Variants in CRB1 observed in about 807,000 individuals in gnomAD.
The protein encoded by CRB1 is protein crumbs homolog 1.
CRB1 carries 83 observed loss-of-function variants against 120.0 expected under a neutral mutation model. That is an observed-to-expected ratio of 0.69 (90% CI 0.58 to 0.83). CRB1 has a LOEUF of 0.83. Among genes scored for constraint, CRB1 ranks in the 40% least tolerant of loss-of-function variants. CRB1 has a pLI of 0.00. For synonymous variants in CRB1, 625 were observed against 612.5 expected (o/e 1.02, Z -0.30); for missense variants, 1,699 against 1,687.6 (o/e 1.01, Z -0.12).
At chr1:197,301,633 T>C (rs1268466138) in intron 1 of CRB1, among the ~76,000 whole-genome samples, 3 of 152,114 alleles carry the variant, frequency 2.0e-5, no homozygotes, top group African/African-American at 7.2e-5. Context: ...GTAGGTAGCA[T>C]GGTAGTCTCA....
chr1:197,304,294 T>C (rs1657043799), intron 1 of CRB1: 1 of 456,928 alleles, frequency 2.2e-6, no homozygotes, highest in African/African-American at 2.1e-5. Context: ...CAATTAGATA[T>C]TTGATTTTCT....
chr1:197,232,850 T>G, the CRB1 span, among the ~76,000 whole-genome samples: 1 of 152,086 alleles, frequency 6.6e-6, no homozygotes, highest in African/African-American at 2.4e-5. Context: ...TGAGTTGATA[T>G]TGTTACTCAG....
rs1571877958 is a variant in CRB1 at position 197,347,361 on chromosome 1, T to A, written c.870T>A (p.Gly290=). 1 of 1,613,878 alleles carries A rather than the reference T, an allele frequency of 6.2e-7. No individual in the cohort carries two copies. Among genetic ancestry groups the A allele is most frequent in the Non-Finnish European group, 8.5e-7 (1 of 1,179,856 alleles). The change falls in exon 4 of 12, where the codon GGT becomes GGA. Residue 290 remains glycine (G), a synonymous_variant. Transcript: ENST00000367400. ...CCAGATATAGCTGTAACTGCACGGG[T>A]AGTGGATTCACAGGGACACACTGTG... The part of the protein sequence containing the change: ...GENRYSCNCT[G]SGFTGTHCET...
At chr1:197,441,626 T>TCTC (rs1430141327) in intron 10 of CRB1, 1 of 144,928 alleles carries the variant, frequency 6.9e-6, no homozygotes, top group Non-Finnish European at 1.5e-5. Context: ...AGAATAAACC[T>TCTC]CTCCTCTTCC....
At chr1:197,334,369 A>C (rs1659027081) in intron 2 of CRB1, among the ~76,000 whole-genome samples, 1 of 152,216 alleles carries the variant, frequency 6.6e-6, no homozygotes, top group Admixed American at 6.5e-5. Flanking sequence ...TCCAATACTC[A>C]TGTGTTGGAG....
chr1:197,284,769 T>C (rs1407038415), intron 1 of CRB1, among the ~76,000 whole-genome samples: 2 of 151,856 alleles, frequency 1.3e-5, no homozygotes, highest in Non-Finnish European at 2.9e-5. Context: ...AATTTGTTTT[T>C]TCAAAATTGA....
chr1:197,453,859 ATATTAATATTATTAATAATATATAT>A (rs1666123291), intron 11 of CRB1, among the ~76,000 whole-genome samples: 1 of 142,082 alleles, frequency 7.0e-6, no homozygotes, highest in South Asian at 2.1e-4. Context: ...TTATTAATAT[ATATTAATATTATTAATAATATATAT>A]TATTAATATT....
At chr1:197,295,983 T>C (rs1024275293) in intron 1 of CRB1, among the ~76,000 whole-genome samples, 1 of 151,118 alleles carries the variant, frequency 6.6e-6, no homozygotes, top group Non-Finnish European at 1.5e-5. Flanking sequence ...TAAAAAAAAA[T>C]TTAAGACAAA....
At chr1:197,437,935 G>A (rs1464946205) in intron 9 of CRB1, 1 of 155,014 alleles carries the variant, frequency 6.5e-6, no homozygotes, top group Admixed American at 6.3e-5. Flanking sequence ...CCTTTTATGA[G>A]GATTCTTTAA....
chr1:197,330,181 A>G (rs1658766168), intron 2 of CRB1, among the ~76,000 whole-genome samples: 1 of 152,112 alleles, frequency 6.6e-6, no homozygotes, highest in African/African-American at 2.4e-5. Context: ...TCCTTTACAT[A>G]CAACCAGTCT....
chr1:197,214,711 C>T, the CRB1 span, among the ~76,000 whole-genome samples: 3 of 152,056 alleles, frequency 2.0e-5, no homozygotes, highest in Non-Finnish European at 2.9e-5. Context: ...AAAGGAAAGT[C>T]CAGGACCAGA....
intron 5 of CRB1, among the ~76,000 whole-genome samples, chr1:197,386,291 C>A (rs1260964730): frequency 6.6e-6 from 1 of 152,130 alleles, no homozygotes; most frequent in Non-Finnish European, 1.5e-5. Flanking sequence ...TCCTAGAACA[C>A]CCTGGCACAT....
chr1:197,441,303 A>C (rs1364105700), intron 10 of CRB1: 1 of 152,218 alleles, frequency 6.6e-6, no homozygotes, highest in Non-Finnish European at 1.5e-5. Flanking sequence ...TATGTGTTAA[A>C]TAAATATCCA....
chr1:197,412,088 T>C (rs1018725228), intron 5 of CRB1, among the ~76,000 whole-genome samples: 1 of 152,244 alleles, frequency 6.6e-6, no homozygotes, highest in Non-Finnish European at 1.5e-5. Context: ...GTGTATTCTA[T>C]ACGGTGGAAC....
chr1:197,332,415 T>C (rs1178666150), intron 2 of CRB1, among the ~76,000 whole-genome samples: 1 of 152,202 alleles, frequency 6.6e-6, no homozygotes, highest in Non-Finnish European at 1.5e-5. Flanking sequence ...TTGTTTTCTA[T>C]GAAATCAGCT....
intron 1 of CRB1, among the ~76,000 whole-genome samples, chr1:197,284,236 A>G (rs1201036589): frequency 6.6e-6 from 1 of 151,946 alleles, no homozygotes; most frequent in African/African-American, 2.4e-5. Context: ...GCACAGGACC[A>G]GTGTCATAGC....
intron 5 of CRB1, among the ~76,000 whole-genome samples, chr1:197,405,989 C>CGGGA (rs1663368473): frequency 7.0e-6 from 1 of 142,758 alleles, no homozygotes; most frequent in East Asian, 2.2e-4. Context: ...CCGCCCCGTC[C>CGGGA]GGGAGGTGAG....
At chr1:197,362,838 A>G (rs1660846025) in intron 5 of CRB1, among the ~76,000 whole-genome samples, 1 of 152,076 alleles carries the variant, frequency 6.6e-6, no homozygotes. Context: ...TCATCTTGCC[A>G]ATTTCTGCCT....
Position 197,403,517 on chromosome 1 carries a change from A to T in CRB1, c.1172-17483A>T, listed in dbSNP as rs186673374. Among the ~76,000 whole-genome samples the T allele has an allele frequency of 1.5e-3, 235 of 152,246 alleles. 2 individuals are homozygous for T. Among genetic ancestry groups the T allele is most frequent in the African/African-American group, 5.4e-3 (223 of 41,540 alleles). On this transcript the variant is annotated intron_variant, in intron 5 of 11. Coordinates refer to ENST00000367400, the MANE Select transcript of CRB1 (RefSeq NM_201253.3). ...GAGTGCTACTTGCAACCATCCTATA[A>T]CTTCAAAAATGTCTTTGAGGTAAAG...
Sources: gnomAD v4.1 joint callset for allele counts (sites outside exome capture counted in the v4.1 genomes callset) on GRCh38, gnomAD v4.1.1 for gene constraint, MANE v1.5 for transcripts, NCBI Gene and HGNC (gene_info 2026-07-23, HGNC 2026-07-21) for gene names.